Variants in SMC3 observed in about 807,000 individuals in gnomAD.
SMC3 encodes the protein structural maintenance of chromosomes 3, also known as structural maintenance of chromosomes protein 3.
SMC3 carries 20 observed loss-of-function variants against 171.8 expected under a neutral mutation model. That is an observed-to-expected ratio of 0.12 (90% CI 0.08 to 0.17). SMC3 has a LOEUF of 0.17. Ranked by LOEUF, SMC3 falls within the 10% of genes least tolerant of loss-of-function variation. The probability of loss-of-function intolerance (pLI) is 1.00; values close to 1 mark genes in which losing one functional copy is unlikely to be tolerated. For synonymous variants in SMC3, 464 were observed against 451.1 expected (o/e 1.03, Z -0.36); for missense variants, 543 against 1,420.4 (o/e 0.38, Z 9.93).
Position 110,604,294 on chromosome 10 carries a change from C to T in SMC3, c.3646C>T (p.His1216Tyr). The T allele has an allele frequency of 6.2e-7, 1 of 1,605,774 alleles. No individual in the cohort carries two copies. The highest frequency in any genetic ancestry group is 8.5e-7 in the Non-Finnish European group (1 of 1,174,492). The change falls in exon 29 of 29, where the codon CAT becomes TAT. Residue 1216 changes from histidine to tyrosine, a missense_variant. By Grantham distance (83) the His-to-Tyr change is moderately conservative. Transcript: ENST00000361804. The part of the protein sequence containing the change: ...AKDFVEDDTT[H>Y]G Reference sequence around the variant, plus strand: ...AGACTTTGTAGAAGATGATACCACACATGGTTAATTGGAAAATACTACCTA... The same window carrying T: ...AGACTTTGTAGAAGATGATACCACATATGGTTAATTGGAAAATACTACCTA...
intron 17 of SMC3, among the ~76,000 whole-genome samples, chr10:110,592,242 C>G (rs1018024244): frequency 2.1e-5 from 3 of 143,828 alleles, no homozygotes; most frequent in African/African-American, 7.7e-5. Context: ...TTCATCCTGG[C>G]AACAGAGCAA....
Position 110,591,000 on chromosome 10 carries a change from T to C in SMC3, c.1680T>C (p.Tyr560=), listed in dbSNP as rs75817442. The C allele has an allele frequency of 6.8e-4, 1,104 of 1,612,864 alleles. 8 individuals carry two copies. In the African/African-American group the frequency reaches 0.014, roughly 20 times the overall value. Reference sequence around the variant, plus strand: ...CTCTGTTTATATTTAGGTTATTTTATCACATTGTTGATTCAGATGAAGTCA... The same window carrying C: ...CTCTGTTTATATTTAGGTTATTTTACCACATTGTTGATTCAGATGAAGTCA... ...VEVTAGNRLF[Y]HIVDSDEVST... Residue 560 remains tyrosine, a synonymous_variant, in exon 17 of 29, where the codon TAT becomes TAC. Transcript: ENST00000361804.
rs1424694755 is a variant in SMC3 at position 110,601,783 on chromosome 10, A to G, written c.2791A>G (p.Met931Val). 6.2e-7 allele frequency: 1 copy of G among 1,613,962 alleles called. No individual in the cohort carries two copies. Among genetic ancestry groups the G allele is most frequent in the Admixed American group, 1.7e-5 (1 of 60,020 alleles). Residue 931 changes from methionine to valine, a missense_variant, in exon 24 of 29, where the codon ATG becomes GTG. Coordinates refer to ENST00000361804, the MANE Select transcript of SMC3 (RefSeq NM_005445.4). Reference sequence around the variant, plus strand: ...GGAAAAGATGACAAATCGGCAAGGCATGCTATTGAAGAAGAAAGAAGAGTG... The same window carrying G: ...GGAAAAGATGACAAATCGGCAAGGCGTGCTATTGAAGAAGAAAGAAGAGTG... ...ELEKMTNRQG[M>V]LLKKKEECMK...
At chr10:110,573,807 A>G (rs1860908489) in intron 3 of SMC3, 62 bp downstream of exon 3, 1 of 1,098,568 alleles carries the variant, frequency 9.1e-7, no homozygotes, top group Non-Finnish European at 1.4e-6. Flanking sequence ...GTAGATTATT[A>G]AAATCATTAA....
At position 110,591,140 on chromosome 10, in the gene SMC3, A is replaced by AT. The variant is rs759560561; in HGVS notation, c.1812+10dup. 1 of 1,612,914 alleles carries AT rather than the reference A, an allele frequency of 6.2e-7. No individual in the cohort carries two copies. The highest frequency in any genetic ancestry group is 1.7e-5 in the Admixed American group (1 of 60,032). On this transcript the variant is annotated intron_variant, in intron 17 of 28. Coordinates refer to ENST00000361804, the MANE Select transcript of SMC3 (RefSeq NM_005445.4). ...GCCTATCCTGAAACCAATGTGAGTCATTGTGTGATAAGGTGTATTTCTCTT... is the reference window on the plus strand; with the variant it reads ...GCCTATCCTGAAACCAATGTGAGTCATTTGTGTGATAAGGTGTATTTCTCTT...
intron 21 of SMC3, among the ~76,000 whole-genome samples, chr10:110,600,015 C>A (rs1264552903): frequency 1.3e-5 from 2 of 152,122 alleles, no homozygotes; most frequent in African/African-American, 4.8e-5. Flanking sequence ...AAGAAATTTT[C>A]ATTTCCTTAA....
intron 12 of SMC3, 84 bp downstream of exon 12, chr10:110,584,046 G>C (rs1861071190): frequency 1.9e-6 from 3 of 1,550,854 alleles, no homozygotes; most frequent in South Asian, 1.1e-5. Flanking sequence ...TTATATAGTA[G>C]CTGCTTTTTA....
At position 110,589,873 on chromosome 10, in the gene SMC3, T is replaced by G. The variant is rs374256958; in HGVS notation, c.1410-19T>G. ...CATATGTGTTTAAAATTAAAGACAG[T>G]CTACTTTTTATTTATTAGCTACTTG... is the stretch of plus-strand genomic sequence containing the variant. On this transcript the variant is annotated intron_variant, in intron 14 of 28. Transcript: ENST00000361804. The G allele has an allele frequency of 1.2e-6, 2 of 1,606,410 alleles. No homozygotes were observed. Among genetic ancestry groups the G allele is most frequent in the Non-Finnish European group, 1.7e-6 (2 of 1,173,182 alleles).
intron 18 of SMC3, among the ~76,000 whole-genome samples, chr10:110,593,968 A>G (rs1362629868): frequency 6.6e-6 from 1 of 152,202 alleles, no homozygotes; most frequent in African/African-American, 2.4e-5. Context: ...AGCCTGGGTG[A>G]TAGAGCAAGA....
chr10:110,596,073 C>CA (rs1489446445), intron 18 of SMC3, among the ~76,000 whole-genome samples: 36 of 151,230 alleles, frequency 2.4e-4, no homozygotes, highest in Admixed American at 7.9e-4. Flanking sequence ...CTGGTCTCTA[C>CA]AAAAAAGGTG....
At chr10:110,577,345 C>A in intron 4 of SMC3, 76 bp from the exon 5 acceptor site, 1 of 1,105,064 alleles carries the variant, frequency 9.0e-7, no homozygotes, top group Non-Finnish European at 1.4e-6. Flanking sequence ...GTTATTATGC[C>A]CTAGACTTTA....
Position 110,589,952 on chromosome 10 carries a change from T to A in SMC3, c.1470T>A (p.Leu490=), listed in dbSNP as rs752085420. ...QQALAAKRED[L]EKKQQLLRAA... The stretch of plus-strand genomic sequence containing the variant: ...CACTTGCTGCTAAAAGAGAAGATCT[T>A]GAAAAGAAGCAACAACTTCTTAGAG... The change falls in exon 15 of 29, where the codon CTT becomes CTA. Residue 490 remains leucine (L), a synonymous_variant. Transcript: ENST00000361804. The A allele has an allele frequency of 1.2e-6, 2 of 1,614,022 alleles. No homozygotes were observed. The highest frequency in any genetic ancestry group is 1.7e-6 in the Non-Finnish European group (2 of 1,179,992).
chr10:110,589,393 A>G (rs1027347658), intron 13 of SMC3, among the ~76,000 whole-genome samples: 13 of 152,166 alleles, frequency 8.5e-5, no homozygotes, highest in Non-Finnish European at 1.5e-4. Flanking sequence ...ACATACGTAT[A>G]CATCTGTAAA....
intron 4 of SMC3, among the ~76,000 whole-genome samples, chr10:110,575,943 G>C (rs1381571868): frequency 6.6e-6 from 1 of 152,146 alleles, no homozygotes; most frequent in Non-Finnish European, 1.5e-5. Context: ...AACAACCATT[G>C]CAAACTAAAC....
At chr10:110,586,784 T>C (rs4918542) in intron 13 of SMC3, among the ~76,000 whole-genome samples, 148,992 of 152,210 alleles carry the variant, frequency 0.98, 72,936 homozygotes, top group South Asian at 0.99. Flanking sequence ...CAGCCTCCCA[T>C]GTAGCTGAGA....
At chr10:110,577,772 C>A in intron 5 of SMC3, 63 bp from the exon 6 acceptor site, 1 of 1,119,690 alleles carries the variant, frequency 8.9e-7, no homozygotes, top group Non-Finnish European at 1.3e-6. Context: ...TTAAAATGAC[C>A]TTATTTAAAA....
In SMC3 at chr10:110,593,393, G is replaced by A. The variant is rs998865238; in HGVS notation, c.1963+170G>A. 4.0e-5 allele frequency among the ~76,000 whole-genome samples: 6 copies of A among 151,862 alleles called. 1 individual carries two copies. The highest frequency in any genetic ancestry group is 2.6e-4 in the Admixed American group (4 of 15,258). ...TCAAGACCAGCCTGGCTAACGAGGC[G>A]AAACCCTGTCTCCATTAAAAATACA... On this transcript the variant is annotated intron_variant, in intron 18 of 28. Coordinates refer to ENST00000361804, the MANE Select transcript of SMC3 (RefSeq NM_005445.4).
intron 7 of SMC3, 85 bp downstream of exon 7, chr10:110,578,791 GT>G: frequency 9.1e-7 from 1 of 1,094,866 alleles, no homozygotes; most frequent in South Asian, 1.3e-5. Flanking sequence ...GATTTGAGTG[GT>G]TAAGCTGAAG....
At chr10:110,597,143 C>A (rs1378390372) in intron 19 of SMC3, among the ~76,000 whole-genome samples, 14 of 135,340 alleles carry the variant, frequency 1.0e-4, no homozygotes, top group African/African-American at 2.7e-4. Flanking sequence ...GACCCTGTCT[C>A]AAAAAAAAAA....
Sources: gnomAD v4.1 joint callset for allele counts (sites outside exome capture counted in the v4.1 genomes callset) on GRCh38, gnomAD v4.1.1 for gene constraint, MANE v1.5 for transcripts, NCBI Gene and HGNC (gene_info 2026-07-23, HGNC 2026-07-21) for gene names.